C3orf38: variants seen among roughly 807,000 people sequenced by gnomAD.
C3orf38 encodes uncharacterized protein C3orf38.
Under a neutral mutation model 28.3 loss-of-function variants are expected in C3orf38, and 18 were observed. That is an observed-to-expected ratio of 0.64 (90% confidence interval 0.44 to 0.94). The LOEUF is 0.94. Among genes scored for constraint, C3orf38 ranks in the 40% least tolerant of loss-of-function variants. The pLI, the probability that C3orf38 is intolerant of heterozygous loss-of-function variation, is 0.00. For synonymous variants in C3orf38, 145 were observed against 138.1 expected (o/e 1.05, Z -0.35); for missense variants, 364 against 396.4 (o/e 0.92, Z 0.69).
intron 1 of C3orf38, chr3:88,151,068 T>G (rs1423187965): frequency 1.3e-5 from 2 of 152,150 alleles, no homozygotes; most frequent in African/African-American, 4.8e-5. Flanking sequence ...CTTCTTATAA[T>G]CATGGTGAGT....
intron 1 of C3orf38, among the ~76,000 whole-genome samples, chr3:88,150,429 C>T (rs1254088483): frequency 6.6e-6 from 1 of 152,132 alleles, no homozygotes; most frequent in African/African-American, 2.4e-5. Flanking sequence ...CGGAATAAGT[C>T]ATTTAAATTT....
rs917768751 is a variant in C3orf38, at chr3:88,157,791, A to G, written c.*1156A>G. On this transcript the variant is annotated 3_prime_UTR_variant, in exon 3 of 3. Transcript: ENST00000318887. ...TGGGAAATGTGATGACGTATTGTAC[A>G]TGTTACTTTTTCCTTTGCTATAATC... 2 of 152,134 alleles carry G rather than the reference A, an allele frequency of 1.3e-5. No homozygotes were observed. Among genetic ancestry groups the G allele is most frequent in the Non-Finnish European group, 2.9e-5 (2 of 68,000 alleles). The allele number at this position is 152,134 out of a possible 1,614,324, so 9.4% of individuals were successfully genotyped here.
intron 2 of C3orf38, among the ~76,000 whole-genome samples, chr3:88,153,872 T>A (rs1385240993): frequency 6.6e-6 from 1 of 152,164 alleles, no homozygotes; most frequent in African/African-American, 2.4e-5. Flanking sequence ...CTATTTTTTT[T>A]ATATTTTATA....
chr3:88,151,624 T>C (rs926376152), intron 1 of C3orf38, among the ~76,000 whole-genome samples: 12 of 152,126 alleles, frequency 7.9e-5, no homozygotes. Flanking sequence ...CACTGGGAGA[T>C]GTGTATGAGA....
rs369061823 is a variant in C3orf38 at position 88,156,608 on chromosome 3, G to T, written c.963G>T (p.Ser321=). The stretch of plus-strand genomic sequence containing the variant: ...TACGACATAATGTAAAGCAGGCTTC[G>T]GATAGTGGAACTGGGGACCAAGTTT... The part of the protein sequence containing the change: ...NEVRHNVKQA[S]DSGTGDQV The change falls in exon 3 of 3, where the codon TCG becomes TCT. Residue 321 remains serine (S), a synonymous_variant. Coordinates refer to ENST00000318887, the MANE Select transcript of C3orf38 (RefSeq NM_173824.4). 26 of 1,611,320 alleles carry T rather than the reference G, an allele frequency of 1.6e-5. No homozygotes were observed. Among genetic ancestry groups the T allele is most frequent in the Non-Finnish European group, 2.1e-5 (25 of 1,178,784 alleles).
chr3:88,149,965 G>C lies in C3orf38; in HGVS notation c.-88G>C, dbSNP rs1320270099. On this transcript the variant is annotated 5_prime_UTR_variant, in exon 1 of 3. Coordinates refer to ENST00000318887, the MANE Select transcript of C3orf38 (RefSeq NM_173824.4). The stretch of plus-strand genomic sequence containing the variant: ...CCCTTCGACGGAGAACAACAAGAAA[G>C]GCACTTCCGGTGTCTGTTGCCAGGC... The C allele has an allele frequency of 6.5e-7, 1 of 1,543,444 alleles. No individual in the cohort carries two copies.
chr3:88,156,712 C>A lies in C3orf38; in HGVS notation c.*77C>A. ...CCTCTAAAGCGCTAAGTACTGTCAG[C>A]CTGAAAAAAATCTTCTATACAGAAA... On this transcript the variant is annotated 3_prime_UTR_variant, in exon 3 of 3. Transcript: ENST00000318887. 2 of 1,451,104 alleles carry A rather than the reference C, an allele frequency of 1.4e-6. No individual in the cohort carries two copies. Among genetic ancestry groups the A allele is most frequent in the South Asian group, 1.4e-5 (1 of 72,598 alleles). 89.9% of individuals were successfully genotyped at this position (1,451,104 alleles called of 1,614,324 possible).
chr3:88,150,107 G>A lies in C3orf38; in HGVS notation c.55G>A (p.Gly19Ser), dbSNP rs1346537011. 6.2e-7 allele frequency: 1 copy of A among 1,614,064 alleles called. No individual in the cohort carries two copies. Among genetic ancestry groups the A allele is most frequent in the Admixed American group, 1.7e-5 (1 of 60,002 alleles). ...SEMEGCRNLL[G>S]LLDNDEIMAL... ...GATGGAGGGCTGCCGTAACCTACTT[G>A]GCCTACTGGACAACGACGAGATCAT... The change falls in exon 1 of 3, where the codon GGC becomes AGC. Residue 19 changes from glycine to serine, a missense_variant. Gly to Ser is a moderately conservative substitution (Grantham distance 56, BLOSUM62 0). Transcript: ENST00000318887.
chr3:88,155,690 C>T (rs1181195556), intron 2 of C3orf38, among the ~76,000 whole-genome samples: 2 of 152,062 alleles, frequency 1.3e-5, no homozygotes, highest in African/African-American at 4.8e-5. Context: ...AACTCCTGAC[C>T]TCACCATCCG....
chr3:88,150,358 G>T (rs1220541363), intron 1 of C3orf38, among the ~76,000 whole-genome samples, 173 bp downstream of exon 1: 1 of 152,208 alleles, frequency 6.6e-6, no homozygotes, highest in Non-Finnish European at 1.5e-5. Flanking sequence ...CGGTGATAAT[G>T]GCACGGCTTC....
At chr3:88,151,254 C>T (rs2107928681) in intron 1 of C3orf38, among the ~76,000 whole-genome samples, 1 of 151,978 alleles carries the variant, frequency 6.6e-6, no homozygotes, top group South Asian at 2.1e-4. Context: ...TCTTTGGAAA[C>T]TAATGAAATG....
chr3:88,154,945 C>T (rs1029063105), intron 2 of C3orf38, among the ~76,000 whole-genome samples: 5 of 151,968 alleles, frequency 3.3e-5, no homozygotes, highest in African/African-American at 1.2e-4. Flanking sequence ...CTGCAGCCTC[C>T]ACCCTCTGGG....
At position 88,156,505 on chromosome 3, in the gene C3orf38, C is replaced by T. The variant is rs149447900; in HGVS notation, c.860C>T (p.Pro287Leu). The T allele has an allele frequency of 1.3e-5, 21 of 1,613,966 alleles. No individual in the cohort carries two copies. The highest frequency in any genetic ancestry group is 6.7e-5 in the Admixed American group (4 of 59,990). ...GESSLAPGTL[P>L]KPSVKFEQSD... ...AGTTCCCTTGCTCCTGGAACATTACCGAAACCATCTGTTAAATTTGAACAA... is the reference window on the plus strand; with the variant it reads ...AGTTCCCTTGCTCCTGGAACATTACTGAAACCATCTGTTAAATTTGAACAA... The change falls in exon 3 of 3, where the codon CCG becomes CTG. Residue 287 changes from proline (P) to leucine (L), a missense_variant. Coordinates refer to ENST00000318887, the MANE Select transcript of C3orf38 (RefSeq NM_173824.4).
intron 2 of C3orf38, among the ~76,000 whole-genome samples, chr3:88,154,546 C>T (rs1260569280): frequency 2.6e-5 from 4 of 152,166 alleles, no homozygotes; most frequent in Admixed American, 2.6e-4. Context: ...CTACATACCA[C>T]ATTTTTTGAA....
chr3:88,150,315 T>C, intron 1 of C3orf38, 130 bp downstream of exon 1: 1 of 1,101,188 alleles, frequency 9.1e-7, no homozygotes, highest in South Asian at 1.6e-5. Context: ...CTACGCCGAC[T>C]TGGGCTGCCG....
Position 88,157,763 on chromosome 3 carries a change from A to C in C3orf38, c.*1128A>C, listed in dbSNP as rs1379370638. The C allele has an allele frequency of 6.6e-6, 1 of 152,162 alleles. No individual in the cohort carries two copies. The highest frequency in any genetic ancestry group is 1.5e-5 in the Non-Finnish European group (1 of 68,002). The allele number at this position is 152,162 out of a possible 1,614,324, so 9.4% of individuals were successfully genotyped here. ...AAAATTACCATTTGGAAAAGAACTC[A>C]ATTGGGAAATGTGATGACGTATTGT... On this transcript the variant is annotated 3_prime_UTR_variant, in exon 3 of 3. Transcript: ENST00000318887.
In C3orf38 at chr3:88,150,037, C is replaced by CT. The variant is rs767709909; in HGVS notation, c.-16_-15insT. On this transcript the variant is annotated 5_prime_UTR_variant, in exon 1 of 3. Transcript: ENST00000318887. ...GGCGACATTGTTGCCGTTGTCTTTC[C>CT]CCCCCAGTCCCGGGGATGGAGATGT... 1.5e-5 allele frequency: 25 copies of CT among 1,613,830 alleles called. No homozygotes were observed. The highest frequency in any genetic ancestry group is 2.0e-5 in the Non-Finnish European group (24 of 1,179,790).
chr3:88,150,330 A>G, intron 1 of C3orf38, 145 bp downstream of exon 1: 1 of 922,900 alleles, frequency 1.1e-6, no homozygotes, highest in African/African-American at 1.7e-5. Context: ...CTGCCGGGTC[A>G]AGGCGGGGAG....
intron 1 of C3orf38, chr3:88,150,759 A>T (rs1476327640): frequency 6.6e-6 from 1 of 152,172 alleles, no homozygotes; most frequent in African/African-American, 2.4e-5. Flanking sequence ...TCCATATAAA[A>T]ATGTAAAGCG....
Sources: gnomAD v4.1 joint callset for allele counts (sites outside exome capture counted in the v4.1 genomes callset) on GRCh38, gnomAD v4.1.1 for gene constraint, MANE v1.5 for transcripts, NCBI Gene and HGNC (gene_info 2026-07-23, HGNC 2026-07-21) for gene names.